Variants in PTCSC3 observed in about 807,000 individuals in gnomAD.
PTCSC3 encodes papillary thyroid carcinoma susceptibility candidate 3 (non-protein coding).
chr14:36,146,348 A>G (rs7494769), intron 3 of PTCSC3, among the ~76,000 whole-genome samples: 84,740 of 140,940 alleles, frequency 0.6, 26,402 homozygotes, highest in Non-Finnish European at 0.68. Flanking sequence ...GGGTGCTCCT[A>G]TATTGGGTGC....
At chr14:36,156,263 A>G (rs780710914) in intron 2 of PTCSC3, among the ~76,000 whole-genome samples, 6 of 152,192 alleles carry the variant, frequency 3.9e-5, no homozygotes, top group Admixed American at 6.5e-5. Context: ...TCAAAAGATA[A>G]CAATATATGC....
chr14:36,147,918 G>A (rs1881620363), intron 3 of PTCSC3, among the ~76,000 whole-genome samples: 1 of 151,946 alleles, frequency 6.6e-6, no homozygotes, highest in Non-Finnish European at 1.5e-5. Flanking sequence ...GGAATACCCT[G>A]CCGTGTGAGG....
chr14:36,139,747 T>TC (rs1247401776), intron 3 of PTCSC3, among the ~76,000 whole-genome samples: 2 of 152,042 alleles, frequency 1.3e-5, no homozygotes, highest in African/African-American at 4.8e-5. Context: ...CTATATATCC[T>TC]CCCTTCCCCA....
chr14:36,154,786 A>G (rs1329990544), intron 2 of PTCSC3, among the ~76,000 whole-genome samples: 1 of 152,126 alleles, frequency 6.6e-6, no homozygotes, highest in Non-Finnish European at 1.5e-5. Flanking sequence ...ACATGTTAGG[A>G]TTGGGTTCCC....
At chr14:36,149,352 A>G (rs1245714578) in intron 3 of PTCSC3, among the ~76,000 whole-genome samples, 2 of 152,228 alleles carry the variant, frequency 1.3e-5, no homozygotes, top group Middle Eastern at 3.4e-3. Flanking sequence ...CATACTTTGT[A>G]TGATTTCTAT....
At chr14:36,157,421 A>G (rs1253512200) in intron 2 of PTCSC3, among the ~76,000 whole-genome samples, 1 of 152,014 alleles carries the variant, frequency 6.6e-6, no homozygotes, top group Non-Finnish European at 1.5e-5. Context: ...CCATTTGTCA[A>G]TTTTGGCTTT....
At chr14:36,157,193 G>A (rs1245574973) in intron 2 of PTCSC3, among the ~76,000 whole-genome samples, 12 of 152,052 alleles carry the variant, frequency 7.9e-5, no homozygotes, top group South Asian at 2.1e-4. Context: ...CATGTTTTTC[G>A]GCTGCATAAA....
At chr14:36,162,749 G>A (rs975259912) in intron 1 of PTCSC3, 3 of 152,200 alleles carry the variant, frequency 2.0e-5, no homozygotes, top group African/African-American at 7.2e-5. Context: ...GTTTTGTGGA[G>A]AGGATGTTAT....
intron 2 of PTCSC3, among the ~76,000 whole-genome samples, chr14:36,154,669 T>A (rs551801691): frequency 4.0e-5 from 6 of 151,654 alleles, no homozygotes; most frequent in Non-Finnish European, 8.8e-5. Context: ...GTTAGGGAGG[T>A]GGTGCATTAT....
At chr14:36,146,091 C>G (rs959831716) in intron 3 of PTCSC3, among the ~76,000 whole-genome samples, 1 of 148,316 alleles carries the variant, frequency 6.7e-6, no homozygotes, top group African/African-American at 2.5e-5. Context: ...AGTATGTGGT[C>G]AATTTTGGAA....
chr14:36,168,103 C>G (rs1000801625), intron 1 of PTCSC3, among the ~76,000 whole-genome samples: 1 of 151,974 alleles, frequency 6.6e-6, no homozygotes, highest in Non-Finnish European at 1.5e-5. Context: ...ATTGTTGCTC[C>G]TGATGCTCAG....
At chr14:36,138,321 A>G (rs1260053990) in intron 3 of PTCSC3, among the ~76,000 whole-genome samples, 1 of 152,226 alleles carries the variant, frequency 6.6e-6, no homozygotes, top group Non-Finnish European at 1.5e-5. Context: ...ATTTCTTGGA[A>G]CACAAAGTTG....
At chr14:36,167,791 A>G (rs1013614685) in intron 1 of PTCSC3, among the ~76,000 whole-genome samples, 1 of 152,160 alleles carries the variant, frequency 6.6e-6, no homozygotes, top group African/African-American at 2.4e-5. Context: ...CAGAGGGGAA[A>G]AAACGCTCCA....
intron 3 of PTCSC3, among the ~76,000 whole-genome samples, chr14:36,137,782 G>C (rs1049436906): frequency 1.3e-5 from 2 of 152,152 alleles, no homozygotes; most frequent in African/African-American, 4.8e-5. Context: ...AGGTATGGTG[G>C]GGGAAGTATG....
intron 3 of PTCSC3, among the ~76,000 whole-genome samples, chr14:36,153,138 T>A (rs1020062699): frequency 6.6e-6 from 1 of 152,168 alleles, no homozygotes; most frequent in African/African-American, 2.4e-5. Context: ...GATGGCTGTC[T>A]CCTCATTGTA....
intron 1 of PTCSC3, among the ~76,000 whole-genome samples, chr14:36,173,782 G>A (rs1882230695): frequency 6.6e-6 from 1 of 152,008 alleles, no homozygotes; most frequent in Non-Finnish European, 1.5e-5. Flanking sequence ...GGCTGGAAAC[G>A]AATTCTCTCA....
intron 3 of PTCSC3, among the ~76,000 whole-genome samples, chr14:36,138,417 C>T (rs112976934): frequency 6.6e-6 from 1 of 152,162 alleles, no homozygotes; most frequent in Non-Finnish European, 1.5e-5. Flanking sequence ...AAACTAAAAA[C>T]TGTCAAATTA....
At chr14:36,171,101 T>C (rs1252648355) in intron 1 of PTCSC3, among the ~76,000 whole-genome samples, 4 of 152,206 alleles carry the variant, frequency 2.6e-5, no homozygotes, top group East Asian at 1.9e-4. Context: ...TGTGGAAATA[T>C]AGATTTTTGA....
chr14:36,173,223 G>C (rs917485624), intron 1 of PTCSC3, among the ~76,000 whole-genome samples: 5 of 152,096 alleles, frequency 3.3e-5, no homozygotes, highest in African/African-American at 1.2e-4. Flanking sequence ...TTTTTTATGA[G>C]TTAAAACATT....
Sources: allele counts gnomAD v4.1 joint callset (sites outside exome capture counted in the v4.1 genomes callset), GRCh38; gene constraint gnomAD v4.1.1; transcripts MANE v1.5; gene names NCBI Gene and HGNC (gene_info 2026-07-23, HGNC 2026-07-21).